Variants in PTPRU observed in about 807,000 individuals in gnomAD.
PTPRU encodes protein tyrosine phosphatase receptor type U.
PTPRU carries 69 observed loss-of-function variants against 166.3 expected under a neutral mutation model. The ratio of observed to expected loss-of-function variants is 0.41; its 90% CI spans 0.34 to 0.51. PTPRU has a LOEUF of 0.51. Ranked by LOEUF, PTPRU falls within the 20% of genes least tolerant of loss-of-function variation. The pLI is 0.09. For synonymous variants in PTPRU, 793 were observed against 814.0 expected, an observed-to-expected ratio of 0.97 and a Z score of 0.44; for missense variants, 1,657 against 2,013.7, an observed-to-expected ratio of 0.82 and a Z score of 3.39.
intron 18 of PTPRU, chr1:29,307,240 GTC>G (rs893997639): frequency 1.4e-6 from 2 of 1,454,520 alleles, no homozygotes; most frequent in Non-Finnish European, 1.9e-6. Context: ...CTGGCTGTCT[GTC>G]TCTCTGTCTC....
At chr1:29,295,605 G>A (rs1378145455) in intron 15 of PTPRU, among the ~76,000 whole-genome samples, 1 of 151,914 alleles carries the variant, frequency 6.6e-6, no homozygotes, top group East Asian at 1.9e-4. Flanking sequence ...ATTGCAAATG[G>A]TACACTTTTC....
chr1:29,304,869 C>T lies in PTPRU; in HGVS notation c.2743+20C>T, dbSNP rs763744946. 4 of 1,599,938 alleles carry T rather than the reference C, an allele frequency of 2.5e-6. No homozygotes were observed. In the South Asian group the frequency reaches 4.4e-5, roughly 18 times the overall value. ...CTGCCTGTGAGTCCTGGGGAAGGGC[C>T]TGGGGTCCAGGGCAGTGGGTGGGAG... On this transcript the variant is annotated intron_variant, in intron 17 of 29. Coordinates refer to ENST00000373779, the MANE Select transcript of PTPRU (RefSeq NM_133178.4).
Position 29,279,193 on chromosome 1 carries a change from C to A in PTPRU, c.1563+72C>A. The stretch of plus-strand genomic sequence containing the variant: ...GAGGTGGCCCTCTTTCTCTCTGCTG[C>A]TACAGTAGGAGGTGCATGGGAGGAC... On this transcript the variant is annotated intron_variant, in intron 9 of 29. Transcript: ENST00000373779. This position sits in a 1 kb window ranked among gnomAD's most constrained non-coding sequence, Gnocchi z 5.2. 7.7e-7 allele frequency: 1 copy of A among 1,301,330 alleles called. No individual in the cohort carries two copies. 80.6% of individuals were successfully genotyped at this position (1,301,330 alleles called of 1,614,324 possible).
rs1688391881 is a variant in PTPRU at position 29,325,887 on chromosome 1, A to G, written c.*226A>G. 1.1e-5 allele frequency: 6 copies of G among 555,992 alleles called. No individual in the cohort carries two copies. The South Asian group carries it at 1.5e-4, about 14-fold the overall frequency. 34.4% of individuals were successfully genotyped at this position (555,992 alleles called of 1,614,324 possible). The stretch of plus-strand genomic sequence containing the variant: ...GAGGAGCTTAGCAAGTCTGCAGCCC[A>G]GCCCCACCTCCATAGGGTCCTGCAG... On this transcript the variant is annotated 3_prime_UTR_variant, in exon 30 of 30. Transcript: ENST00000373779.
chr1:29,304,369 C>G (rs917039887), intron 16 of PTPRU, among the ~76,000 whole-genome samples: 1 of 152,172 alleles, frequency 6.6e-6, no homozygotes, highest in African/African-American at 2.4e-5. Flanking sequence ...CCCAGCCTGA[C>G]ATTGATCCTG....
intron 1 of PTPRU, among the ~76,000 whole-genome samples, chr1:29,252,271 CTTTTT>C: frequency 1.5e-5 from 2 of 135,766 alleles, no homozygotes; most frequent in African/African-American, 5.7e-5. Context: ...TTTTTTCTTT[CTTTTT>C]TTTTTTTTTG....
intron 1 of PTPRU, among the ~76,000 whole-genome samples, chr1:29,251,245 C>T (rs1284047204): frequency 6.6e-6 from 1 of 151,498 alleles, no homozygotes; most frequent in Admixed American, 6.6e-5. Flanking sequence ...GAATGAGACT[C>T]TATCTCAAAA....
At chr1:29,293,049 G>C (rs1160823130) in intron 15 of PTPRU, among the ~76,000 whole-genome samples, 1 of 151,796 alleles carries the variant, frequency 6.6e-6, no homozygotes, top group African/African-American at 2.4e-5. Flanking sequence ...GTGTGATCTT[G>C]GCTCACTGTA....
intron 14 of PTPRU, among the ~76,000 whole-genome samples, chr1:29,287,494 A>G (rs1686409176): frequency 6.6e-6 from 1 of 151,564 alleles, no homozygotes; most frequent in Admixed American, 6.6e-5. Flanking sequence ...TCTGAGGTGT[A>G]GGGAGGAGTG....
chr1:29,240,163 C>T lies in PTPRU; in HGVS notation c.73+3446C>T, dbSNP rs150323117. ...GTGAACTCCTGCAACTTGATGGGCT[C>T]TCAGCTGTAAGCATCATCCAGTCCC... On this transcript the variant is annotated intron_variant, in intron 1 of 29. Coordinates refer to ENST00000373779, the MANE Select transcript of PTPRU (RefSeq NM_133178.4). 4.6e-3 allele frequency among the ~76,000 whole-genome samples: 693 copies of T among 152,278 alleles called. 20 individuals are homozygous for T. Among genetic ancestry groups the T allele is most frequent in the East Asian group, 3.7e-3 (19 of 5,184 alleles).
At chr1:29,314,184 G>A (rs1687793761) in intron 22 of PTPRU, among the ~76,000 whole-genome samples, 1 of 152,138 alleles carries the variant, frequency 6.6e-6, no homozygotes, top group South Asian at 2.1e-4. Flanking sequence ...CCAGTCTTAA[G>A]CTATTATGAG....
chr1:29,259,295 G>T lies in PTPRU; in HGVS notation c.512G>T (p.Arg171Met), dbSNP rs763466268. The T allele has an allele frequency of 1.9e-6, 3 of 1,614,116 alleles. No homozygotes were observed. Among genetic ancestry groups the T allele is most frequent in the Non-Finnish European group, 2.5e-6 (3 of 1,179,978 alleles). ...GAGGCCCTCATCTCCCCAGACCGCA[G>T]GGGCTACATGGGCCTAGATGACATC... ...LFEALISPDR[R>M]GYMGLDDILL... Residue 171 changes from arginine (R) to methionine (M), a missense_variant, in exon 4 of 30, where the codon AGG becomes ATG. This residue lies in a region of PTPRU where 453 missense variants were observed against 496.9 expected (regional missense o/e 0.91). Transcript: ENST00000373779.
rs78166470 is a variant in PTPRU at position 29,273,703 on chromosome 1, C to G, written c.1145-1745C>G. On this transcript the variant is annotated intron_variant, in intron 7 of 29. Transcript: ENST00000373779. The stretch of plus-strand genomic sequence containing the variant: ...CAGGCATGAGCCACTGTGCCCAGCC[C>G]AGTTTCTTTATTTATAAGATGGGGA... Among the ~76,000 whole-genome samples the G allele has an allele frequency of 9.1e-3, 1,385 of 152,198 alleles. 24 individuals are homozygous for G. The highest frequency in any genetic ancestry group is 0.031 in the African/African-American group (1,303 of 41,512).
chr1:29,259,956 G>A lies in PTPRU; in HGVS notation c.762G>A (p.Val254=), dbSNP rs1684969876. 2 of 1,542,292 alleles carry A rather than the reference G, an allele frequency of 1.3e-6. No homozygotes were observed. Among genetic ancestry groups the A allele is most frequent in the Non-Finnish European group, 1.7e-6 (2 of 1,150,696 alleles). The change falls in exon 6 of 30, where the codon GTG becomes GTA. Residue 254 remains valine, a synonymous_variant. Transcript: ENST00000373779. ...RFLATFPLAA[V]SRAEQDLYRC... ...TGGCCACTTTCCCGCTGGCTGCCGT[G>A]AGCCGCGCCGAGCAGGACCTGTACC...
intron 14 of PTPRU, among the ~76,000 whole-genome samples, chr1:29,290,232 C>G (rs1686563783): frequency 6.6e-6 from 1 of 152,220 alleles, no homozygotes; most frequent in South Asian, 2.1e-4. Context: ...GCAGCCCCAG[C>G]TCTGCAGACC....
chr1:29,259,960 C>A lies in PTPRU; in HGVS notation c.766C>A (p.Arg256Ser). The A allele has an allele frequency of 1.3e-6, 2 of 1,544,650 alleles. No individual in the cohort carries two copies. The highest frequency in any genetic ancestry group is 1.2e-5 in the South Asian group (1 of 84,552). The change falls in exon 6 of 30, where the codon CGC becomes AGC. Residue 256 changes from arginine to serine, a missense_variant. Arg to Ser is a moderately radical substitution (Grantham distance 110, BLOSUM62 -1). This residue lies in a region of PTPRU where 453 missense variants were observed against 496.9 expected (regional missense o/e 0.91). Coordinates refer to ENST00000373779, the MANE Select transcript of PTPRU (RefSeq NM_133178.4). ...CACTTTCCCGCTGGCTGCCGTGAGCCGCGCCGAGCAGGACCTGTACCGCTG... is the reference window on the plus strand; with the variant it reads ...CACTTTCCCGCTGGCTGCCGTGAGCAGCGCCGAGCAGGACCTGTACCGCTG... ...LATFPLAAVS[R>S]AEQDLYRCVS...
chr1:29,298,718 G>A (rs969778659), intron 15 of PTPRU, among the ~76,000 whole-genome samples: 1 of 152,126 alleles, frequency 6.6e-6, no homozygotes, highest in Non-Finnish European at 1.5e-5. Flanking sequence ...CCTTAATCAG[G>A]GAAGCAGAGA....
At chr1:29,277,452 T>A (rs558310162) in intron 8 of PTPRU, among the ~76,000 whole-genome samples, 1 of 152,294 alleles carries the variant, frequency 6.6e-6, no homozygotes, top group African/African-American at 2.4e-5. Context: ...CTAGGTTAAT[T>A]CCACTGTAGT....
At chr1:29,297,836 C>T (rs1686961819) in intron 15 of PTPRU, among the ~76,000 whole-genome samples, 2 of 152,188 alleles carry the variant, frequency 1.3e-5, no homozygotes, top group Non-Finnish European at 1.5e-5. Flanking sequence ...ATAGTGGGGA[C>T]AATCAGTGCT....
Sources: gnomAD v4.1 joint callset for allele counts (sites outside exome capture counted in the v4.1 genomes callset) on GRCh38, gnomAD v4.1.1 for gene constraint, gnomAD v4.1.1 regional missense constraint, Gnocchi (gnomAD v3.1) non-coding constraint, MANE v1.5 for transcripts, NCBI Gene and HGNC (gene_info 2026-07-23, HGNC 2026-07-21) for gene names.